Variants in MBP observed in about 807,000 individuals in gnomAD.
The protein encoded by MBP is myelin basic protein, also known as Golli-MBP.
Under a neutral mutation model 35.8 loss-of-function variants are expected in MBP, and 16 were observed. The observed-to-expected ratio is 0.45, with a 90% confidence interval of 0.30 to 0.68. The LOEUF (loss-of-function observed/expected upper bound fraction) is 0.68, where lower values mean the gene tolerates loss of function less well. Among genes scored for constraint, MBP ranks in the 30% least tolerant of loss-of-function variants. The pLI is 0.08. For missense variants in MBP, 380 were observed against 404.7 expected, an observed-to-expected ratio of 0.94 and a Z score of 0.52; for synonymous variants, 143 against 159.6, an observed-to-expected ratio of 0.90 and a Z score of 0.78.
intron 2 of MBP, among the ~76,000 whole-genome samples, chr18:77,100,508 G>GGTGTGT (rs57715344): frequency 1.5e-5 from 2 of 133,606 alleles, no homozygotes; most frequent in African/African-American, 5.5e-5. Flanking sequence ...TAGAATTTGG[G>GGTGTGT]GTGTGTGTGT....
At chr18:77,027,998 A>ATTTATTTT (rs1213245645) in intron 3 of MBP, among the ~76,000 whole-genome samples, 14 of 150,526 alleles carry the variant, frequency 9.3e-5, no homozygotes, top group Non-Finnish European at 1.3e-4. Context: ...TTATTTATTT[A>ATTTATTTT]TTTATTTTTT....
rs553974493 is a variant in MBP at position 77,105,648 on chromosome 18, C to T, written c.-25-362G>A. Among the ~76,000 whole-genome samples the T allele has an allele frequency of 1.1e-4, 17 of 152,204 alleles. No individual in the cohort carries two copies. The South Asian group carries it at 3.5e-3, about 32-fold the overall frequency. On this transcript the variant is annotated intron_variant, in intron 1 of 8. Transcript: ENST00000355994. Reference sequence around the variant, plus strand: ...ATGTACACACACAGAGAATTATATCCCATACTCAGGTGCATTGTTATGAGA... The same window carrying T: ...ATGTACACACACAGAGAATTATATCTCATACTCAGGTGCATTGTTATGAGA...
intron 3 of MBP, among the ~76,000 whole-genome samples, chr18:77,026,349 A>G (rs2282574): frequency 0.68 from 103,553 of 152,168 alleles, 35,456 homozygotes; most frequent in East Asian, 0.81. Flanking sequence ...AGGCCAACAG[A>G]AATGCATTTA....
In MBP at chr18:77,048,682, T is replaced by C. The variant is rs907090083; in HGVS notation, c.139+17616A>G. On this transcript the variant is annotated intron_variant, in intron 3 of 8. Transcript: ENST00000355994. The stretch of plus-strand genomic sequence containing the variant: ...TTTCACCATGTTGGTCAGGCTGGTC[T>C]CGAACTCCTGACCTCAGGTGATCCT... 5.3e-5 allele frequency among the ~76,000 whole-genome samples: 8 copies of C among 152,142 alleles called. No individual in the cohort carries two copies. The South Asian group carries it at 6.2e-4, about 12-fold the overall frequency.
chr18:77,020,217 G>A lies in MBP; in HGVS notation c.140-2949C>T, dbSNP rs1013627118. On this transcript the variant is annotated intron_variant, in intron 3 of 8. Coordinates refer to ENST00000355994, the MANE Select transcript of MBP (RefSeq NM_001025101.2). This position sits in a 1 kb window ranked among gnomAD's most constrained non-coding sequence, Gnocchi z 4.1. ...GGGACAGGGACTGGGAGTCTGGCTGGGACACTAAGGAAAGAAAGGTCTCTG... is the reference window on the plus strand; with the variant it reads ...GGGACAGGGACTGGGAGTCTGGCTGAGACACTAAGGAAAGAAAGGTCTCTG... Among the ~76,000 whole-genome samples, 3 of 152,028 alleles carry A rather than the reference G, an allele frequency of 2.0e-5. No homozygotes were observed. The highest frequency in any genetic ancestry group is 7.3e-5 in the African/African-American group (3 of 41,378).
chr18:76,980,664 T>C, intron 8 of MBP, 193 bp from the exon 9 acceptor site: 1 of 583,000 alleles, frequency 1.7e-6, no homozygotes, highest in Non-Finnish European at 3.1e-6. Flanking sequence ...GCTAATTGAA[T>C]TTCCAGTTCT....
intron 1 of MBP, among the ~76,000 whole-genome samples, chr18:77,116,886 C>G (rs74880224): frequency 0.035 from 5,316 of 150,336 alleles, 312 homozygotes; most frequent in African/African-American, 0.12. Flanking sequence ...ACAAAACAAA[C>G]AAAGAAAGCA....
intron 7 of MBP, chr18:76,985,876 GCCCTGC>G: frequency 1.0e-6 from 1 of 988,716 alleles, no homozygotes; most frequent in Non-Finnish European, 1.2e-6. Context: ...AGAGCAGGCC[GCCCTGC>G]CCTGGCCTCA....
chr18:77,070,647 C>T (rs559916033), intron 2 of MBP, among the ~76,000 whole-genome samples: 8 of 152,310 alleles, frequency 5.3e-5, no homozygotes, highest in African/African-American at 1.9e-4. Flanking sequence ...CAGCCTTGAC[C>T]TCTAACCCTT....
intron 3 of MBP, among the ~76,000 whole-genome samples, chr18:77,062,191 G>A (rs1483315869): frequency 6.6e-6 from 1 of 152,154 alleles, no homozygotes; most frequent in Non-Finnish European, 1.5e-5. Context: ...TATAATTTAG[G>A]GAGACCTAAG....
intron 2 of MBP, among the ~76,000 whole-genome samples, chr18:77,083,117 T>C (rs2156496): frequency 0.53 from 80,612 of 151,776 alleles, 21,819 homozygotes; most frequent in East Asian, 0.66. Flanking sequence ...GGGACCACCA[T>C]GCCCTGCTAA....
In MBP at chr18:77,073,569, A is replaced by G. The variant is rs573539163; in HGVS notation, c.52-7184T>C. On this transcript the variant is annotated intron_variant, in intron 2 of 8. Coordinates refer to ENST00000355994, the MANE Select transcript of MBP (RefSeq NM_001025101.2). ...GAAACCTGAATCCTTTAGAACTGTCAGTAGCTACGCCAGTGCCCTGCTCCG... is the reference window on the plus strand; with the variant it reads ...GAAACCTGAATCCTTTAGAACTGTCGGTAGCTACGCCAGTGCCCTGCTCCG... 2.6e-5 allele frequency among the ~76,000 whole-genome samples: 4 copies of G among 152,380 alleles called. No homozygotes were observed. The East Asian group carries it at 5.8e-4, about 22-fold the overall frequency.
chr18:77,043,878 G>C (rs907236424), intron 3 of MBP, among the ~76,000 whole-genome samples: 2 of 152,056 alleles, frequency 1.3e-5, no homozygotes, highest in Non-Finnish European at 2.9e-5. Context: ...TGTAGGGCAG[G>C]ACTGTCACGC....
rs12455658 is a variant in MBP, at chr18:77,053,072, T to C, written c.139+13226A>G. On this transcript the variant is annotated intron_variant, in intron 3 of 8. Transcript: ENST00000355994. ...GAAGGCCCCAAAAGAAGCCAACCAA[T>C]GCCGTGTCCCCGTGATAGGCCAGCG... is the stretch of plus-strand genomic sequence containing the variant. 6.0e-3 allele frequency among the ~76,000 whole-genome samples: 911 copies of C among 152,306 alleles called. 32 individuals are homozygous for C. The highest frequency in any genetic ancestry group is 0.044 in the Admixed American group (666 of 15,296).
intron 3 of MBP, among the ~76,000 whole-genome samples, chr18:77,018,834 A>G (rs1356795371): frequency 6.8e-6 from 1 of 147,324 alleles, no homozygotes; most frequent in African/African-American, 2.5e-5. Context: ...CCATCCATAT[A>G]TCCACCCATC....
chr18:77,014,154 A>T (rs2123441213), intron 4 of MBP: 1 of 985,440 alleles, frequency 1.0e-6, no homozygotes, highest in South Asian at 4.7e-5. Context: ...GGCTCTCAAA[A>T]GAATATGCCT....
rs769741800 is a variant in MBP at position 77,017,101 on chromosome 18, C to T, written c.307G>A (p.Glu103Lys). The T allele has an allele frequency of 6.2e-6, 10 of 1,600,788 alleles. 1 individual carries two copies. The South Asian group carries it at 8.8e-5, about 14-fold the overall frequency. Residue 103 changes from glutamate to lysine, a missense_variant, in exon 4 of 9, where the codon GAG (glutamate) becomes AAG (lysine). Coordinates refer to ENST00000355994, the MANE Select transcript of MBP (RefSeq NM_001025101.2). ...GGCCTGTCTTTGAAGGTGTTGTCCT[C>T]CCTCCCCGGGGCATCTCGGGAAAAG... ...RLFSRDAPGR[E>K]DNTFKDRPSE... is the part of the protein sequence containing the mutation.
intron 3 of MBP, among the ~76,000 whole-genome samples, chr18:77,055,449 T>A (rs1420855117): frequency 6.6e-6 from 1 of 151,998 alleles, no homozygotes; most frequent in Admixed American, 6.6e-5. Context: ...ACCTCTGCCA[T>A]CCTCCCTGGC....
At chr18:77,107,995 C>A (rs571265829) in intron 1 of MBP, among the ~76,000 whole-genome samples, 7 of 152,144 alleles carry the variant, frequency 4.6e-5, no homozygotes, top group African/African-American at 7.2e-5. Flanking sequence ...TGTGTGGGAG[C>A]CCCCATCAGA....
Sources: allele counts gnomAD v4.1 joint callset (sites outside exome capture counted in the v4.1 genomes callset), GRCh38; gene constraint gnomAD v4.1.1; non-coding constraint Gnocchi (gnomAD v3.1); transcripts MANE v1.5; gene names NCBI Gene and HGNC (gene_info 2026-07-23, HGNC 2026-07-21).